PDE11A: variants seen among roughly 807,000 people sequenced by gnomAD.
The protein encoded by PDE11A is phosphodiesterase 11A.
In PDE11A, 100 loss-of-function variants were observed where a neutral mutation model predicts 100.5. The observed-to-expected ratio is 1.00, with a 90% CI of 0.85 to 1.18. The LOEUF (loss-of-function observed/expected upper bound fraction) is 1.18, where lower values mean the gene tolerates loss of function less well. Ranked by LOEUF, PDE11A falls within the 50% of genes most tolerant of loss-of-function variation. PDE11A has a pLI of 0.00. For synonymous variants in PDE11A, 381 were observed against 420.8 expected (o/e 0.91, Z 1.16); for missense variants, 1,141 against 1,152.6 (o/e 0.99, Z 0.15).
At chr2:177,666,127 T>C (rs780641358) in intron 18 of PDE11A, among the ~76,000 whole-genome samples, 1 of 152,204 alleles carries the variant, frequency 6.6e-6, no homozygotes, top group East Asian at 1.9e-4. Flanking sequence ...ACTTTCTCTA[T>C]CTATGGATTT....
At chr2:177,777,387 G>T (rs2082392689) in intron 9 of PDE11A, among the ~76,000 whole-genome samples, 1 of 152,112 alleles carries the variant, frequency 6.6e-6, no homozygotes, top group Non-Finnish European at 1.5e-5. Context: ...TTTTAGCATA[G>T]TCAATCTTCA....
At chr2:177,815,865 A>G (rs1185289008) in intron 9 of PDE11A, among the ~76,000 whole-genome samples, 1 of 152,204 alleles carries the variant, frequency 6.6e-6, no homozygotes, top group Non-Finnish European at 1.5e-5. Context: ...CTGACATTTT[A>G]TCTTGCCTAC....
chr2:178,099,703 C>T (rs2087538079), intron 2 of PDE11A, among the ~76,000 whole-genome samples: 1 of 152,084 alleles, frequency 6.6e-6, no homozygotes, highest in Non-Finnish European at 1.5e-5. Flanking sequence ...AATGATATGG[C>T]TGTTCCTCAA....
chr2:177,907,725 C>T (rs939997689), intron 2 of PDE11A, among the ~76,000 whole-genome samples: 3 of 152,178 alleles, frequency 2.0e-5, no homozygotes, highest in African/African-American at 7.2e-5. Flanking sequence ...GAAGTGTTTA[C>T]TATCCAGTAT....
chr2:177,932,674 A>C (rs1257640593), intron 2 of PDE11A, among the ~76,000 whole-genome samples: 1 of 152,204 alleles, frequency 6.6e-6, no homozygotes, highest in South Asian at 2.1e-4. Flanking sequence ...TCAAAATAAT[A>C]AGAGCCATCT....
At chr2:178,101,498 C>A (rs2087558512) in intron 2 of PDE11A, among the ~76,000 whole-genome samples, 1 of 152,188 alleles carries the variant, frequency 6.6e-6, no homozygotes, top group Non-Finnish European at 1.5e-5. Flanking sequence ...AATCACTGGC[C>A]ATGTGACTGA....
chr2:177,659,524 A>G (rs1015149235), intron 19 of PDE11A, among the ~76,000 whole-genome samples: 37 of 152,300 alleles, frequency 2.4e-4, no homozygotes, highest in African/African-American at 8.7e-4. Flanking sequence ...TGAGCTAAAA[A>G]TCAGATTACA....
intron 1 of PDE11A, among the ~76,000 whole-genome samples, chr2:178,060,346 G>T (rs10930822): frequency 9.9e-5 from 15 of 152,056 alleles, no homozygotes; most frequent in African/African-American, 3.4e-4. Flanking sequence ...AAAACAAAAA[G>T]AGAAGAGAAA....
rs1049477929 is a variant in PDE11A at position 177,690,833 on chromosome 2, G to A, written c.2345+6499C>T. 9.2e-5 allele frequency among the ~76,000 whole-genome samples: 14 copies of A among 152,194 alleles called. No individual in the cohort carries two copies. The East Asian group carries it at 2.5e-3, about 27-fold the overall frequency. The stretch of plus-strand genomic sequence containing the variant: ...TTGGAAAATTATTTGCTTAAATCAT[G>A]CTCTGAGGCATTGTGTCATGGAGAA... On this transcript the variant is annotated intron_variant, in intron 15 of 19. Coordinates refer to ENST00000286063, the MANE Select transcript of PDE11A (RefSeq NM_016953.4).
chr2:177,644,706 A>G (rs893585003), intron 19 of PDE11A, among the ~76,000 whole-genome samples: 2 of 152,180 alleles, frequency 1.3e-5, no homozygotes, highest in Non-Finnish European at 2.9e-5. Flanking sequence ...GGAATGATAC[A>G]GTTTGGGTGT....
rs1419864450 is a variant in PDE11A at position 177,682,271 on chromosome 2, C to A, written c.2346-1368G>T. On this transcript the variant is annotated intron_variant, in intron 15 of 19. Coordinates refer to ENST00000286063, the MANE Select transcript of PDE11A (RefSeq NM_016953.4). ...CTTCAAGATGTTCCGCCTTTCCTGA[C>A]TGAACCAGTACATCATACATGTATT... Among the ~76,000 whole-genome samples the A allele has an allele frequency of 2.6e-5, 4 of 152,340 alleles. No individual in the cohort carries two copies. The East Asian group carries it at 7.7e-4, about 29-fold the overall frequency.
intron 2 of PDE11A, among the ~76,000 whole-genome samples, chr2:177,968,425 T>C (rs1185739184): frequency 6.6e-6 from 1 of 152,222 alleles, no homozygotes; most frequent in Non-Finnish European, 1.5e-5. Flanking sequence ...GAAATTATGC[T>C]AAGGTAGAAA....
intron 2 of PDE11A, among the ~76,000 whole-genome samples, chr2:177,927,884 C>A (rs768104136): frequency 6.6e-6 from 1 of 152,040 alleles, no homozygotes; most frequent in Non-Finnish European, 1.5e-5. Context: ...ATGGGCAGAT[C>A]ACCTGAGGTT....
At chr2:177,887,302 C>T (rs1265661614) in intron 4 of PDE11A, among the ~76,000 whole-genome samples, 1 of 152,124 alleles carries the variant, frequency 6.6e-6, no homozygotes, top group Admixed American at 6.5e-5. Flanking sequence ...ACAAAAAATA[C>T]TGAAGAATCT....
In PDE11A at chr2:178,064,889, G is replaced by A. The variant is rs184971466; in HGVS notation, c.912+6637C>T. Among the ~76,000 whole-genome samples, 7 of 150,844 alleles carry A rather than the reference G, an allele frequency of 4.6e-5. No individual in the cohort carries two copies. In the East Asian group the frequency reaches 9.7e-4, roughly 21 times the overall value. Reference sequence around the variant, plus strand: ...AAAAGATTTTTTCTCCTGAATTTGCGACAGCCTTTAAGCTATATTTTATGA... The same window carrying A: ...AAAAGATTTTTTCTCCTGAATTTGCAACAGCCTTTAAGCTATATTTTATGA... On this transcript the variant is annotated intron_variant, in intron 1 of 19. Transcript: ENST00000286063.
intron 15 of PDE11A, among the ~76,000 whole-genome samples, 191 bp downstream of exon 15, chr2:177,697,141 G>A (rs542674558): frequency 8.5e-5 from 13 of 152,222 alleles, no homozygotes; most frequent in African/African-American, 3.1e-4. Context: ...CTGTAGTCCT[G>A]ACTCTCTTGG....
At chr2:177,880,623 T>C (rs2084314949) in intron 4 of PDE11A, among the ~76,000 whole-genome samples, 1 of 152,200 alleles carries the variant, frequency 6.6e-6, no homozygotes, top group South Asian at 2.1e-4. Flanking sequence ...AAACTTAGCA[T>C]GGTCTTGGGA....
chr2:177,683,468 C>T (rs1057469084), intron 15 of PDE11A: 1 of 152,190 alleles, frequency 6.6e-6, no homozygotes, highest in African/African-American at 2.4e-5. Context: ...ACTGAGATAG[C>T]CAAGTAAAAC....
chr2:177,793,714 GGAA>G (rs2082664107), intron 9 of PDE11A, among the ~76,000 whole-genome samples: 1 of 152,040 alleles, frequency 6.6e-6, no homozygotes, highest in Non-Finnish European at 1.5e-5. Flanking sequence ...CCCAAAACAA[GGAA>G]GGCTGCTTCC....
Sources: gnomAD v4.1 joint callset for allele counts (sites outside exome capture counted in the v4.1 genomes callset) on GRCh38, gnomAD v4.1.1 for gene constraint, MANE v1.5 for transcripts, NCBI Gene and HGNC (gene_info 2026-07-23, HGNC 2026-07-21) for gene names.